PARP11: variants seen among roughly 807,000 people sequenced by gnomAD.
The protein encoded by PARP11 is poly(ADP-ribose) polymerase family member 11, also known as protein mono-ADP-ribosyltransferase PARP11.
PARP11 carries 31 observed loss-of-function variants against 42.9 expected under a neutral mutation model. That is an observed-to-expected ratio of 0.72 (90% CI 0.54 to 0.98). The LOEUF (loss-of-function observed/expected upper bound fraction) is 0.98, where lower values mean the gene tolerates loss of function less well. Among genes scored for constraint, PARP11 ranks in the 50% least tolerant of loss-of-function variants. The probability of loss-of-function intolerance (pLI) is 0.00; values close to 1 mark genes in which losing one functional copy is unlikely to be tolerated. For missense variants in PARP11, 365 were observed against 413.1 expected (o/e 0.88, Z 1.01); for synonymous variants, 137 against 127.3 (o/e 1.08, Z -0.51).
chr12:3,841,938 T>A, intron 1 of PARP11: 1 of 1,605,556 alleles, frequency 6.2e-7, no homozygotes, highest in Admixed American at 1.7e-5. Flanking sequence ...ATGTACATTC[T>A]CTCCCTGAAG....
At chr12:3,824,673 C>A (rs1591765355) in intron 4 of PARP11, 7 of 972,390 alleles carry the variant, frequency 7.2e-6, no homozygotes, top group Non-Finnish European at 8.6e-6. Context: ...ATGGTTTGTA[C>A]AGTCTGTGAC....
chr12:3,822,618 T>C (rs1344491422), intron 4 of PARP11, among the ~76,000 whole-genome samples: 2 of 148,638 alleles, frequency 1.3e-5, no homozygotes, highest in African/African-American at 5.0e-5. Context: ...AAAAAAAAAA[T>C]TATTGACTGT....
At chr12:3,846,684 G>C (rs768085105) in intron 1 of PARP11, among the ~76,000 whole-genome samples, 1 of 151,846 alleles carries the variant, frequency 6.6e-6, no homozygotes, top group Non-Finnish European at 1.5e-5. Context: ...GTGAACCCAG[G>C]AGGCAGAGCT....
At chr12:3,827,755 T>C (rs1456448316) in intron 3 of PARP11, among the ~76,000 whole-genome samples, 2 of 152,186 alleles carry the variant, frequency 1.3e-5, no homozygotes, top group East Asian at 1.9e-4. Context: ...TCCCCTTCAC[T>C]GTTTCTGGGC....
chr12:3,864,316 T>C (rs1377360998), intron 1 of PARP11, among the ~76,000 whole-genome samples: 1 of 152,190 alleles, frequency 6.6e-6, no homozygotes, highest in Non-Finnish European at 1.5e-5. Flanking sequence ...CTTTTATATA[T>C]GTTAGATTTG....
chr12:3,809,411 AC>A lies in PARP11; in HGVS notation c.*2711del, dbSNP rs887076957. 3 of 152,264 alleles carry A rather than the reference AC, an allele frequency of 2.0e-5. No homozygotes were observed. Among genetic ancestry groups the A allele is most frequent in the African/African-American group, 7.2e-5 (3 of 41,544 alleles). 9.4% of individuals were successfully genotyped at this position (152,264 alleles called of 1,614,324 possible). A position where few individuals can be genotyped will look rare whatever the true frequency, so the allele number is the denominator to read the frequency against. ...AAACAACAACAACAAGCCCCAAAAA[AC>A]CGGTATAGTACCTTCTTACAATGGC... On this transcript the variant is annotated 3_prime_UTR_variant, in exon 8 of 8. Transcript: ENST00000228820.
At chr12:3,817,634 C>T (rs7965615) in intron 6 of PARP11, among the ~76,000 whole-genome samples, 29,561 of 152,112 alleles carry the variant, frequency 0.19, 3,535 homozygotes, top group East Asian at 0.36. Context: ...CAATCATTCC[C>T]GAACTTACTG....
rs1465638729 is a variant in PARP11, at chr12:3,811,740, GTATT to G, written c.*379_*382del. 1.8e-5 allele frequency: 3 copies of G among 168,396 alleles called. No homozygotes were observed. Among genetic ancestry groups the G allele is most frequent in the African/African-American group, 4.8e-5 (2 of 41,932 alleles). The allele number at this position is 168,396 out of a possible 1,614,324, so 10.4% of individuals were successfully genotyped here. A position where few individuals can be genotyped will look rare whatever the true frequency, so the allele number is the denominator to read the frequency against. On this transcript the variant is annotated 3_prime_UTR_variant, in exon 8 of 8. Coordinates refer to ENST00000228820, the MANE Select transcript of PARP11 (RefSeq NM_020367.6). ...CCTCTAAAGGGACACATTTATGTCT[GTATT>G]TTTTTTCAACATTTATACGAATAAG...
chr12:3,842,121 A>G, intron 1 of PARP11: 1 of 1,611,402 alleles, frequency 6.2e-7, no homozygotes, highest in South Asian at 1.1e-5. Flanking sequence ...TGAACCTAAA[A>G]GGACCATTCA....
chr12:3,855,048 T>G (rs1018108721), intron 1 of PARP11, among the ~76,000 whole-genome samples: 2 of 152,160 alleles, frequency 1.3e-5, no homozygotes, highest in African/African-American at 4.8e-5. Flanking sequence ...ATTATCTCAA[T>G]AGATGCAGAA....
rs1947404045 is a variant in PARP11, at chr12:3,821,979, G to A, written c.442C>T (p.His148Tyr). 1 of 1,609,280 alleles carries A rather than the reference G, an allele frequency of 6.2e-7. No homozygotes were observed. The highest frequency in any genetic ancestry group is 8.5e-7 in the Non-Finnish European group (1 of 1,178,408). ...YQLIPLHNQT[H>Y]EYNEVANLFG... The stretch of plus-strand genomic sequence containing the variant: ...AGATTAGCAACTTCATTATATTCAT[G>A]TGTTTGATTGTGCAGAGGAATAAGC... Residue 148 changes from histidine (H) to tyrosine (Y), a missense_variant, in exon 6 of 8, where the codon CAT (histidine) becomes TAT (tyrosine). His to Tyr is a moderately conservative substitution (Grantham distance 83, BLOSUM62 2). Coordinates refer to ENST00000228820, the MANE Select transcript of PARP11 (RefSeq NM_020367.6).
chr12:3,821,629 G>C (rs1041665476), intron 6 of PARP11, among the ~76,000 whole-genome samples: 2 of 152,156 alleles, frequency 1.3e-5, no homozygotes, highest in Non-Finnish European at 2.9e-5. Flanking sequence ...GCTGATTTCA[G>C]CCAAGATGCA....
intron 1 of PARP11, among the ~76,000 whole-genome samples, chr12:3,863,002 GA>G (rs1303802905): frequency 6.6e-6 from 1 of 152,134 alleles, no homozygotes; most frequent in Non-Finnish European, 1.5e-5. Flanking sequence ...TCCAACCCAT[GA>G]ATAAATTATA....
intron 1 of PARP11, among the ~76,000 whole-genome samples, chr12:3,830,636 G>C (rs890816387): frequency 6.6e-6 from 1 of 152,090 alleles, no homozygotes; most frequent in Non-Finnish European, 1.5e-5. Flanking sequence ...TAAGTGTCAG[G>C]ATACAATAAC....
chr12:3,820,996 A>C (rs1947380355), intron 6 of PARP11, among the ~76,000 whole-genome samples: 1 of 152,216 alleles, frequency 6.6e-6, no homozygotes. Flanking sequence ...ATAGAAATGA[A>C]ATGAGTTATG....
At chr12:3,871,729 G>A (rs1187849506) in intron 1 of PARP11, 2 of 152,146 alleles carry the variant, frequency 1.3e-5, no homozygotes, top group East Asian at 3.8e-4. Flanking sequence ...AACAACAGAA[G>A]AATACTCTTG....
At chr12:3,843,522 C>T (rs11062861) in intron 1 of PARP11, among the ~76,000 whole-genome samples, 9,045 of 152,240 alleles carry the variant, frequency 0.059, 342 homozygotes, top group East Asian at 0.18. Flanking sequence ...TGCATGTTCT[C>T]CTTGTCAGGG....
chr12:3,848,505 A>G (rs1221760773), intron 1 of PARP11, among the ~76,000 whole-genome samples: 1 of 152,176 alleles, frequency 6.6e-6, no homozygotes, highest in East Asian at 1.9e-4. Context: ...AAATCCACAC[A>G]TTTACAGCTA....
At chr12:3,857,977 T>G (rs140264149) in intron 1 of PARP11, among the ~76,000 whole-genome samples, 3 of 152,256 alleles carry the variant, frequency 2.0e-5, no homozygotes, top group Admixed American at 2.0e-4. Context: ...AAAAGTAGTT[T>G]AGCATGGAGG....
Sources: gnomAD v4.1 joint callset for allele counts (sites outside exome capture counted in the v4.1 genomes callset) on GRCh38, gnomAD v4.1.1 for gene constraint, MANE v1.5 for transcripts, NCBI Gene and HGNC (gene_info 2026-07-23, HGNC 2026-07-21) for gene names.